Variants in PSPC1 observed in about 807,000 individuals in gnomAD.
The protein encoded by PSPC1 is paraspeckle component 1.
A neutral mutation model predicts 51.6 loss-of-function variants in PSPC1; 14 were observed. The observed-to-expected ratio is 0.27, with a 90% CI of 0.18 to 0.42. PSPC1 has a LOEUF of 0.42. Among genes scored for constraint, PSPC1 ranks in the 10% least tolerant of loss-of-function variants. PSPC1 has a pLI of 1.00. For synonymous variants in PSPC1, 193 were observed against 231.9 expected, an observed-to-expected ratio of 0.83 and a Z score of 1.53; for missense variants, 406 against 701.1, an observed-to-expected ratio of 0.58 and a Z score of 4.75.
chr13:19,747,716 A>G (rs552333654), intron 4 of PSPC1, among the ~76,000 whole-genome samples: 1 of 152,170 alleles, frequency 6.6e-6, no homozygotes. Flanking sequence ...TTTTTTCATT[A>G]AAGAATACAA....
At chr13:19,764,716 T>C (rs1239628779) in intron 2 of PSPC1, among the ~76,000 whole-genome samples, 1 of 126,972 alleles carries the variant, frequency 7.9e-6, no homozygotes, top group Non-Finnish European at 1.7e-5. Context: ...GCTTAAAAGA[T>C]AATGCAATAT....
chr13:19,747,097 A>C (rs1819801368), intron 4 of PSPC1, among the ~76,000 whole-genome samples: 1 of 152,206 alleles, frequency 6.6e-6, no homozygotes, highest in Admixed American at 6.6e-5. Flanking sequence ...AACAAGAGTG[A>C]AACTCCGTCT....
In PSPC1 at chr13:19,764,912, TTC is replaced by T. The variant is rs560512260; in HGVS notation, c.675-5496_675-5495del. Among the ~76,000 whole-genome samples, 997 of 151,696 alleles carry T rather than the reference TTC, an allele frequency of 6.6e-3. 10 individuals are homozygous for T. Among genetic ancestry groups the T allele is most frequent in the Non-Finnish European group, 8.9e-3 (608 of 67,950 alleles). Reference sequence around the variant, plus strand: ...CCATGCTTAGCTAATTTTTTTATTTTTCTTTTGTAGAGATAGGGTTTTGCCAT... The same window carrying T: ...CCATGCTTAGCTAATTTTTTTATTTTTTTTGTAGAGATAGGGTTTTGCCAT... On this transcript the variant is annotated intron_variant, in intron 2 of 8. Coordinates refer to ENST00000338910, the MANE Select transcript of PSPC1 (RefSeq NM_001354909.2).
chr13:19,733,377 C>G (rs1884365426), intron 5 of PSPC1, among the ~76,000 whole-genome samples: 1 of 152,052 alleles, frequency 6.6e-6, no homozygotes, highest in Non-Finnish European at 1.5e-5. Context: ...CCTGTAATCC[C>G]AGGATTACTG....
chr13:19,675,096 C>T (rs527631716), intron 7 of PSPC1: 1 of 153,036 alleles, frequency 6.5e-6, no homozygotes, highest in African/African-American at 2.4e-5. Flanking sequence ...GGTGACGCCA[C>T]CACGCATCCC....
intron 6 of PSPC1, among the ~76,000 whole-genome samples, chr13:19,682,669 G>A (rs994993721): frequency 6.6e-6 from 1 of 152,282 alleles, no homozygotes; most frequent in African/African-American, 2.4e-5. Flanking sequence ...TGTTGTCAAG[G>A]ATGCGGAGGA....
intron 1 of PSPC1, among the ~76,000 whole-genome samples, chr13:19,777,180 A>C (rs1889238502): frequency 6.8e-6 from 1 of 147,502 alleles, no homozygotes; most frequent in Non-Finnish European, 1.5e-5. Context: ...CTGTAATCCC[A>C]GCACTTTGGG....
intron 6 of PSPC1, among the ~76,000 whole-genome samples, chr13:19,714,978 T>C (rs1412982127): frequency 1.3e-5 from 2 of 152,178 alleles, no homozygotes; most frequent in Non-Finnish European, 1.5e-5. Flanking sequence ...AAAGCAAACG[T>C]GGGAAGCCAA....
intron 6 of PSPC1, among the ~76,000 whole-genome samples, chr13:19,686,600 C>T (rs1343532384): frequency 1.3e-5 from 2 of 152,204 alleles, no homozygotes; most frequent in Non-Finnish European, 2.9e-5. Flanking sequence ...GAGAAATTTA[C>T]TATCACTCTG....
intron 4 of PSPC1, among the ~76,000 whole-genome samples, chr13:19,748,933 G>C (rs960519087): frequency 6.6e-6 from 1 of 151,922 alleles, no homozygotes; most frequent in Non-Finnish European, 1.5e-5. Flanking sequence ...CTCTTGGCTG[G>C]GCACGGTGGC....
chr13:19,750,952 A>G (rs186213190), intron 4 of PSPC1, among the ~76,000 whole-genome samples: 58 of 152,124 alleles, frequency 3.8e-4, no homozygotes, highest in African/African-American at 1.3e-3. Context: ...TATTTTTAGT[A>G]GAGATGGGGT....
At chr13:19,676,397 G>C (rs1876639425) in intron 7 of PSPC1, among the ~76,000 whole-genome samples, 1 of 152,174 alleles carries the variant, frequency 6.6e-6, no homozygotes. Flanking sequence ...GAGAACCAAA[G>C]CCTGAGATTT....
At position 19,782,678 on chromosome 13, in the gene PSPC1, C is replaced by A; in HGVS notation, c.80G>T (p.Gly27Val). Residue 27 changes from glycine (G) to valine (V), a missense_variant, in exon 1 of 9, where the codon GGC becomes GTC. Gly to Val is a moderately radical substitution (Grantham distance 109). Transcript: ENST00000338910. The surrounding 1 kb of genome is among the most constrained non-coding windows in gnomAD (Gnocchi z 4.5). Reference sequence around the variant, plus strand: ...TGCCGCGGCCGCCGGCTCGCTCTCGCCCACCGCGGACTCCAGGGCGCGAAG... The same window carrying A: ...TGCCGCGGCCGCCGGCTCGCTCTCGACCACCGCGGACTCCAGGGCGCGAAG... ...ARLRALESAV[G>V]ESEPAAAAAM... 1 of 1,565,400 alleles carries A rather than the reference C, an allele frequency of 6.4e-7. No homozygotes were observed. Among genetic ancestry groups the A allele is most frequent in the Non-Finnish European group, 8.6e-7 (1 of 1,164,904 alleles).
rs1490217866 is a variant in PSPC1, at chr13:19,759,431, A to G, written c.675-13T>C. 1.9e-6 allele frequency: 3 copies of G among 1,586,282 alleles called. No individual in the cohort carries two copies. Among genetic ancestry groups the G allele is most frequent in the East Asian group, 2.2e-5 (1 of 44,726 alleles). ...TGGACGAGGGGTCCTGGATAGGTAT[A>G]AAAGCATTCATAAAAATTAACACAG... is the stretch of plus-strand genomic sequence containing the variant. On this transcript the variant is annotated splice_polypyrimidine_tract_variant and intron_variant, in intron 2 of 8. Transcript: ENST00000338910.
chr13:19,672,453 T>A (rs1876187674), downstream of PSPC1: 1 of 151,994 alleles, frequency 6.6e-6, no homozygotes, highest in Admixed American at 6.6e-5. Flanking sequence ...AAGAGTTATT[T>A]TCTTAACTTG....
chr13:19,730,478 C>A, intron 5 of PSPC1, 134 bp from the exon 6 acceptor site: 1 of 705,642 alleles, frequency 1.4e-6, no homozygotes, highest in South Asian at 1.9e-5. Context: ...CCACGGCATC[C>A]TAAATTTACC....
At chr13:19,707,113 T>G (rs914784474) in intron 7 of PSPC1, among the ~76,000 whole-genome samples, 1 of 152,142 alleles carries the variant, frequency 6.6e-6, no homozygotes, top group African/African-American at 2.4e-5. Flanking sequence ...AAACTAAGTT[T>G]CTTTTTCCTC....
intron 6 of PSPC1, among the ~76,000 whole-genome samples, chr13:19,717,067 A>G (rs998100658): frequency 2.0e-5 from 3 of 151,936 alleles, no homozygotes; most frequent in African/African-American, 7.3e-5. Flanking sequence ...CTCAAAAAAA[A>G]CAAAAAAGAA....
intron 5 of PSPC1, among the ~76,000 whole-genome samples, chr13:19,737,562 G>T (rs1884976939): frequency 1.3e-5 from 2 of 151,026 alleles, no homozygotes; most frequent in African/African-American, 4.9e-5. Context: ...ATGAAATTTA[G>T]TGTTTGGTTA....
Sources: gnomAD v4.1 joint callset for allele counts (sites outside exome capture counted in the v4.1 genomes callset) on GRCh38, gnomAD v4.1.1 for gene constraint, Gnocchi (gnomAD v3.1) non-coding constraint, MANE v1.5 for transcripts, NCBI Gene and HGNC (gene_info 2026-07-23, HGNC 2026-07-21) for gene names.